The following PLLP variants were observed in gnomAD, a reference collection of about 807,000 sequenced individuals.
PLLP encodes the protein plasmolipin.
A neutral mutation model predicts 19.7 loss-of-function variants in PLLP; 15 were observed. The observed-to-expected ratio is 0.76, with a 90% confidence interval of 0.51 to 1.17. PLLP has a LOEUF of 1.17. PLLP is among the 50% of genes most tolerant of loss of function. The pLI, the probability that PLLP is intolerant of heterozygous loss-of-function variation, is 0.00. For synonymous variants in PLLP, 111 were observed against 116.3 expected, an observed-to-expected ratio of 0.95 and a Z score of 0.29; for missense variants, 255 against 258.3, an observed-to-expected ratio of 0.99 and a Z score of 0.09.
At chr16:57,282,587 A>G (rs1348830186) in intron 1 of PLLP, among the ~76,000 whole-genome samples, 1 of 152,022 alleles carries the variant, frequency 6.6e-6, no homozygotes, top group Admixed American at 6.6e-5. Context: ...CCACCCAGCA[A>G]GATCCCTCTT....
rs1258341353 is a variant in PLLP, at chr16:57,261,904, G to A, written c.302C>T (p.Pro101Leu). ...LHMKLYMVPWPLVLMIFNISA... is the reference protein window; with the variant it reads ...LHMKLYMVPWLLVLMIFNISA... ...ACCCCCACCCAGACTCACCACCAGT[G>A]GCCAGGGAACCATGTACAACTTCAT... Residue 101 changes from proline (P) to leucine (L), a missense_variant, in exon 2 of 4, where the codon CCA becomes CTA. Transcript: ENST00000219207. The A allele has an allele frequency of 1.2e-6, 2 of 1,613,750 alleles. No individual in the cohort carries two copies. The highest frequency in any genetic ancestry group is 1.7e-4 in the Middle Eastern group (1 of 6,058).
intron 1 of PLLP, among the ~76,000 whole-genome samples, chr16:57,273,208 C>T (rs902220521): frequency 7.9e-5 from 12 of 151,320 alleles, no homozygotes; most frequent in African/African-American, 2.9e-4. Context: ...TGCAGTGAGC[C>T]GAGATCATGC....
intron 1 of PLLP, 102 bp downstream of exon 1, chr16:57,284,304 G>T: frequency 9.4e-7 from 1 of 1,064,568 alleles, no homozygotes; most frequent in Non-Finnish European, 1.2e-6. Context: ...CGGGTGGGGA[G>T]CGCAAGGTTC....
At chr16:57,284,313 T>G in intron 1 of PLLP, 93 bp downstream of exon 1, 1 of 1,141,540 alleles carries the variant, frequency 8.8e-7, no homozygotes, top group Non-Finnish European at 1.1e-6. Flanking sequence ...AGCGCAAGGT[T>G]CGCGAAAAAT....
rs1273238016 is a variant in PLLP at position 57,284,648 on chromosome 16, G to A, written c.-108C>T. ...TCCCCCAGGCTCCGGATCCCTGTGT[G>A]GCTCCAGGCGCTGCAGGAGGCGTCG... On this transcript the variant is annotated 5_prime_UTR_variant, in exon 1 of 4. Transcript: ENST00000219207. 63 of 1,109,600 alleles carry A rather than the reference G, an allele frequency of 5.7e-5. No individual in the cohort carries two copies. The highest frequency in any genetic ancestry group is 4.2e-5 in the Admixed American group (1 of 23,714). The allele number at this position is 1,109,600 out of a possible 1,614,324, so 68.7% of individuals were successfully genotyped here.
intron 1 of PLLP, among the ~76,000 whole-genome samples, chr16:57,280,609 G>A (rs1299762982): frequency 6.6e-6 from 1 of 152,014 alleles, no homozygotes; most frequent in Non-Finnish European, 1.5e-5. Context: ...TTTTTTAGAC[G>A]CTATCTGCAT....
At position 57,284,576 on chromosome 16, in the gene PLLP, G is replaced by T; in HGVS notation, c.-36C>A. 2.3e-6 allele frequency: 3 copies of T among 1,319,444 alleles called. No homozygotes were observed. Among genetic ancestry groups the T allele is most frequent in the Non-Finnish European group, 1.9e-6 (2 of 1,028,950 alleles). The allele number at this position is 1,319,444 out of a possible 1,614,324, so 81.7% of individuals were successfully genotyped here. ...CTTGCCTCCCGAGGTCGCTACGGCCGCCGTCGCCGCCCCTCCAGCGGTGGG... is the reference window on the plus strand; with the variant it reads ...CTTGCCTCCCGAGGTCGCTACGGCCTCCGTCGCCGCCCCTCCAGCGGTGGG... On this transcript the variant is annotated 5_prime_UTR_variant, in exon 1 of 4. Transcript: ENST00000219207.
At chr16:57,257,465 T>A (rs1237485393) in intron 3 of PLLP, among the ~76,000 whole-genome samples, 1 of 152,222 alleles carries the variant, frequency 6.6e-6, no homozygotes. Flanking sequence ...ACTGCCCTCA[T>A]CAGGAAGAGT....
At chr16:57,276,865 T>G (rs1901160678) in intron 1 of PLLP, among the ~76,000 whole-genome samples, 1 of 152,130 alleles carries the variant, frequency 6.6e-6, no homozygotes, top group South Asian at 2.1e-4. Context: ...ATGCACTTGG[T>G]GGCATTTCTT....
At chr16:57,265,178 C>T (rs931857449) in intron 1 of PLLP, among the ~76,000 whole-genome samples, 6 of 152,264 alleles carry the variant, frequency 3.9e-5, no homozygotes, top group Admixed American at 2.6e-4. Flanking sequence ...GGCGGAGCCA[C>T]AGGGCCTTGC....
chr16:57,268,917 C>T (rs1192394974), intron 1 of PLLP, among the ~76,000 whole-genome samples: 1 of 152,160 alleles, frequency 6.6e-6, no homozygotes, highest in Non-Finnish European at 1.5e-5. Context: ...GAGGGTGAGG[C>T]CTCACTGAGA....
chr16:57,274,042 T>C (rs1441645389), intron 1 of PLLP, among the ~76,000 whole-genome samples: 1 of 152,012 alleles, frequency 6.6e-6, no homozygotes, highest in Non-Finnish European at 1.5e-5. Context: ...GGCTGGACTG[T>C]AGTGGCGTGA....
At chr16:57,266,832 G>A (rs1052006118) in intron 1 of PLLP, among the ~76,000 whole-genome samples, 7 of 148,722 alleles carry the variant, frequency 4.7e-5, no homozygotes, top group African/African-American at 1.7e-4. Context: ...TAAACAAAGG[G>A]AACTGTCTGG....
At chr16:57,266,441 A>G (rs1414692402) in intron 1 of PLLP, among the ~76,000 whole-genome samples, 3 of 152,112 alleles carry the variant, frequency 2.0e-5, no homozygotes, top group Non-Finnish European at 4.4e-5. Flanking sequence ...CCAGTCCCCC[A>G]AGAGAGACCC....
intron 1 of PLLP, among the ~76,000 whole-genome samples, chr16:57,278,296 C>A (rs1285181214): frequency 6.6e-6 from 1 of 152,124 alleles, no homozygotes; most frequent in Non-Finnish European, 1.5e-5. Flanking sequence ...GCTGAGATTA[C>A]GCCGCTGCAC....
At chr16:57,270,900 G>A (rs1416369045) in intron 1 of PLLP, among the ~76,000 whole-genome samples, 1 of 152,132 alleles carries the variant, frequency 6.6e-6, no homozygotes, top group Non-Finnish European at 1.5e-5. Flanking sequence ...CATGTAAGTT[G>A]CCAAACGGAG....
chr16:57,275,844 C>T (rs1241990867), intron 1 of PLLP, among the ~76,000 whole-genome samples: 2 of 152,184 alleles, frequency 1.3e-5, no homozygotes, highest in East Asian at 1.9e-4. Context: ...ATCCTGGCGC[C>T]GCGCCTTGCA....
At chr16:57,257,156 C>A in intron 3 of PLLP, 127 bp from the exon 4 acceptor site, 1 of 685,378 alleles carries the variant, frequency 1.5e-6, no homozygotes, top group Non-Finnish European at 2.7e-6. Context: ...AGATGCATTT[C>A]ACAGCTGTTT....
At chr16:57,271,912 C>T (rs1258340058) in intron 1 of PLLP, among the ~76,000 whole-genome samples, 1 of 152,034 alleles carries the variant, frequency 6.6e-6, no homozygotes, top group Non-Finnish European at 1.5e-5. Flanking sequence ...TCCTCTGCTT[C>T]CTCCCTCCTT....
Sources: allele counts gnomAD v4.1 joint callset (sites outside exome capture counted in the v4.1 genomes callset), GRCh38; gene constraint gnomAD v4.1.1; transcripts MANE v1.5; gene names NCBI Gene and HGNC (gene_info 2026-07-23, HGNC 2026-07-21).